GAN: variants seen among roughly 807,000 people sequenced by gnomAD.
The protein encoded by GAN is epididymis secretory sperm binding protein.
Under a neutral mutation model 71.3 loss-of-function variants are expected in GAN, and 48 were observed. The ratio of observed to expected loss-of-function variants is 0.67; its 90% CI spans 0.53 to 0.86. GAN has a LOEUF of 0.86. GAN is among the 40% of genes least tolerant of loss of function. GAN has a pLI of 0.00. For synonymous variants in GAN, 386 were observed against 276.8 expected (o/e 1.39, Z -3.92); for missense variants, 928 against 770.1 (o/e 1.21, Z -2.43).
At chr16:81,331,934 G>A (rs111888982) in intron 1 of GAN, among the ~76,000 whole-genome samples, 51 of 151,998 alleles carry the variant, frequency 3.4e-4, no homozygotes, top group Non-Finnish European at 4.3e-4. Flanking sequence ...AGGTCAAGGC[G>A]GGCGGATCAC....
intron 1 of GAN, among the ~76,000 whole-genome samples, chr16:81,343,781 G>T (rs1910025257): frequency 6.6e-6 from 1 of 152,182 alleles, no homozygotes; most frequent in Admixed American, 6.5e-5. Context: ...AATCAGGCAA[G>T]AGAAAGCAAT....
chr16:81,351,574 C>G lies in GAN; in HGVS notation c.168-9C>G, dbSNP rs1263149383. ...TCATAGAAATTTTACATTTTTTTCC[C>G]TTTCTTAGGACAAAGTTAAACTATA... On this transcript the variant is annotated splice_polypyrimidine_tract_variant and intron_variant, in intron 1 of 10. Transcript: ENST00000648994. The G allele has an allele frequency of 1.7e-6, 2 of 1,192,868 alleles. No individual in the cohort carries two copies. Among genetic ancestry groups the G allele is most frequent in the East Asian group, 2.3e-5 (1 of 42,882 alleles). The allele number at this position is 1,192,868 out of a possible 1,614,324, so 73.9% of individuals were successfully genotyped here.
intron 1 of GAN, among the ~76,000 whole-genome samples, chr16:81,321,281 C>T (rs1361305058): frequency 1.3e-5 from 2 of 152,038 alleles, no homozygotes; most frequent in Non-Finnish European, 2.9e-5. Context: ...TAGAACTTTC[C>T]CGAGGATTGT....
At position 81,351,327 on chromosome 16, in the gene GAN, T is replaced by C. The variant is rs372383638; in HGVS notation, c.168-256T>C. Among the ~76,000 whole-genome samples, 14 of 152,338 alleles carry C rather than the reference T, an allele frequency of 9.2e-5. 2 individuals carry two copies. Among genetic ancestry groups the C allele is most frequent in the Admixed American group, 4.6e-4 (7 of 15,308 alleles). ...ATTTCCAAGGTGAAATACAGATTCA[T>C]GGTCATGTGGATCTTAGTTCTTTGG... On this transcript the variant is annotated intron_variant, in intron 1 of 10. Coordinates refer to ENST00000648994, the MANE Select transcript of GAN (RefSeq NM_022041.4).
intron 1 of GAN, among the ~76,000 whole-genome samples, chr16:81,329,140 G>C (rs904778867): frequency 7.0e-6 from 1 of 143,100 alleles, no homozygotes; most frequent in Admixed American, 6.8e-5. Context: ...CTCATCTCCT[G>C]TTCCCCCACC....
intron 1 of GAN, among the ~76,000 whole-genome samples, chr16:81,345,106 T>A (rs1910073809): frequency 1.3e-5 from 2 of 152,150 alleles, no homozygotes; most frequent in African/African-American, 4.8e-5. Flanking sequence ...AAAAAACCGA[T>A]GCTGGACAAG....
intron 1 of GAN, among the ~76,000 whole-genome samples, chr16:81,339,823 G>T (rs1371000086): frequency 6.6e-6 from 1 of 152,130 alleles, no homozygotes; most frequent in Non-Finnish European, 1.5e-5. Flanking sequence ...AAATGGTATT[G>T]GGGGAGGTTA....
At chr16:81,342,134 A>T (rs1284349511) in intron 1 of GAN, among the ~76,000 whole-genome samples, 1 of 152,226 alleles carries the variant, frequency 6.6e-6, no homozygotes, top group Non-Finnish European at 1.5e-5. Flanking sequence ...TTCATAAAGC[A>T]AGTTCTTAGA....
rs201937723 is a variant in GAN at position 81,357,862 on chromosome 16, A to G, written c.904A>G (p.Asn302Asp). The G allele has an allele frequency of 5.0e-6, 8 of 1,613,330 alleles. No individual in the cohort carries two copies. Among genetic ancestry groups the G allele is most frequent in the Non-Finnish European group, 5.9e-6 (7 of 1,179,382 alleles). The change falls in exon 5 of 11, where the codon AAC (asparagine) becomes GAC (aspartate). Residue 302 changes from asparagine to aspartate, a missense_variant. Asn to Asp is a conservative substitution (Grantham distance 23). Transcript: ENST00000648994. ...MRCMCPLYDPNRQLWIELAPL... is the reference protein window; with the variant it reads ...MRCMCPLYDPDRQLWIELAPL... Reference sequence around the variant, plus strand: ...ATGCATGTGCCCTCTCTATGACCCTAACAGGCAGCTTTGGATCGAACTGGC... The same window carrying G: ...ATGCATGTGCCCTCTCTATGACCCTGACAGGCAGCTTTGGATCGAACTGGC...
intron 1 of GAN, among the ~76,000 whole-genome samples, chr16:81,315,792 C>A (rs1909018298): frequency 1.3e-5 from 2 of 152,246 alleles, no homozygotes; most frequent in African/African-American, 4.8e-5. Context: ...CGGGGAGCGC[C>A]CTGCCCGCTG....
intron 1 of GAN, among the ~76,000 whole-genome samples, chr16:81,334,782 T>C (rs1355864658): frequency 1.3e-5 from 2 of 152,146 alleles, no homozygotes; most frequent in Admixed American, 1.3e-4. Flanking sequence ...TTCTAAACAG[T>C]GTGGTCGTTT....
At position 81,386,352 on chromosome 16, in the gene GAN, C is replaced by T. The variant is rs1904401298; in HGVS notation, c.*8756C>T. 6.6e-6 allele frequency: 1 copy of T among 152,096 alleles called. No homozygotes were observed. Among genetic ancestry groups the T allele is most frequent in the Non-Finnish European group, 1.5e-5 (1 of 68,024 alleles). The allele number at this position is 152,096 out of a possible 1,614,324, so 9.4% of individuals were successfully genotyped here. Reference sequence around the variant, plus strand: ...AGACCAGTAGACCTAACTGTGCTTTCTTAACTTGGATGTTACATGAAACTT... The same window carrying T: ...AGACCAGTAGACCTAACTGTGCTTTTTTAACTTGGATGTTACATGAAACTT... On this transcript the variant is annotated 3_prime_UTR_variant, in exon 11 of 11. Transcript: ENST00000648994.
At chr16:81,318,494 C>G (rs1175182320) in intron 1 of GAN, among the ~76,000 whole-genome samples, 1 of 151,932 alleles carries the variant, frequency 6.6e-6, no homozygotes, top group Non-Finnish European at 1.5e-5. Flanking sequence ...GAGACCCAGT[C>G]TGTACAATAA....
intron 1 of GAN, among the ~76,000 whole-genome samples, chr16:81,317,504 C>A (rs1410780525): frequency 1.3e-5 from 2 of 152,224 alleles, no homozygotes; most frequent in African/African-American, 4.8e-5. Flanking sequence ...AGTGTTGACA[C>A]CTCATAGGTC....
intron 1 of GAN, among the ~76,000 whole-genome samples, chr16:81,339,517 G>A (rs1235635900): frequency 6.6e-6 from 1 of 152,088 alleles, no homozygotes; most frequent in Non-Finnish European, 1.5e-5. Flanking sequence ...TAAACTGCTG[G>A]GCTAGGTTGT....
At chr16:81,373,727 C>T (rs1278350870) in intron 9 of GAN, among the ~76,000 whole-genome samples, 5 of 152,168 alleles carry the variant, frequency 3.3e-5, no homozygotes, top group Admixed American at 3.3e-4. Flanking sequence ...TGCTTAGACT[C>T]CTTTAATCTG....
rs760722729 is a variant in GAN, at chr16:81,363,954, C to T, written c.1236+11C>T. 39 of 1,605,744 alleles carry T rather than the reference C, an allele frequency of 2.4e-5. No homozygotes were observed. Among genetic ancestry groups the T allele is most frequent in the Admixed American group, 5.0e-5 (3 of 59,992 alleles). ...ACCATGGTCAGAAAGGTGAGGACTG[C>T]ATTTTGTGATAACTAGTCTGTGTAC... is the stretch of plus-strand genomic sequence containing the variant. On this transcript the variant is annotated intron_variant, in intron 7 of 10. Coordinates refer to ENST00000648994, the MANE Select transcript of GAN (RefSeq NM_022041.4).
At chr16:81,352,164 A>G (rs930241817) in intron 2 of GAN, among the ~76,000 whole-genome samples, 4 of 152,178 alleles carry the variant, frequency 2.6e-5, no homozygotes, top group African/African-American at 7.2e-5. Flanking sequence ...TCCCAGAGAA[A>G]GATGACTGAC....
chr16:81,330,626 C>A (rs11861112), intron 1 of GAN, among the ~76,000 whole-genome samples: 3,436 of 152,270 alleles, frequency 0.023, 80 homozygotes, highest in East Asian at 0.12. Context: ...GGATAGAAAT[C>A]ATCATTGAAG....
Sources: gnomAD v4.1 joint callset for allele counts (sites outside exome capture counted in the v4.1 genomes callset) on GRCh38, gnomAD v4.1.1 for gene constraint, MANE v1.5 for transcripts, NCBI Gene and HGNC (gene_info 2026-07-23, HGNC 2026-07-21) for gene names.